Variants in CPEB3 observed in about 807,000 individuals in gnomAD.
CPEB3 encodes cytoplasmic polyadenylation element-binding protein 3.
CPEB3 carries 20 observed loss-of-function variants against 67.2 expected under a neutral mutation model. The ratio of observed to expected loss-of-function variants is 0.30; its 90% confidence interval spans 0.21 to 0.43. CPEB3 has a LOEUF of 0.43. Among genes scored for constraint, CPEB3 ranks in the 20% least tolerant of loss-of-function variants. The probability of loss-of-function intolerance (pLI) is 1.00; values close to 1 mark genes in which losing one functional copy is unlikely to be tolerated. For missense variants in CPEB3, 746 were observed against 968.6 expected (o/e 0.77, Z 3.05); for synonymous variants, 376 against 393.1 (o/e 0.96, Z 0.51).
intron 1 of CPEB3, chr10:92,272,082 ATC>A (rs1853332654): frequency 6.6e-6 from 1 of 152,204 alleles, no homozygotes; most frequent in South Asian, 2.1e-4. Context: ...TGTTCAAAAT[ATC>A]TGACTTGGTC....
intron 2 of CPEB3, among the ~76,000 whole-genome samples, chr10:92,199,895 CAGAGAGAGAGAG>C (rs34608647): frequency 5.4e-5 from 8 of 148,254 alleles, no homozygotes; most frequent in African/African-American, 1.7e-4. Context: ...TCCAAACACA[CAGAGAGAGAGAG>C]AGAGAGAGAG....
intron 2 of CPEB3, among the ~76,000 whole-genome samples, chr10:92,200,273 G>A (rs931148034): frequency 6.6e-6 from 1 of 151,776 alleles, no homozygotes; most frequent in African/African-American, 2.4e-5. Context: ...GGCCGGGCAC[G>A]GTGGCTCACG....
chr10:92,115,053 CG>C (rs1844940169), intron 6 of CPEB3, among the ~76,000 whole-genome samples: 1 of 152,332 alleles, frequency 6.6e-6, no homozygotes, highest in South Asian at 2.1e-4. Flanking sequence ...CCGGCGGCCG[CG>C]GGCGCGGGGG....
At chr10:92,221,925 C>T (rs1850719629) in intron 2 of CPEB3, among the ~76,000 whole-genome samples, 1 of 152,120 alleles carries the variant, frequency 6.6e-6, no homozygotes, top group African/African-American at 2.4e-5. Context: ...GAGAACGAGC[C>T]TTTACCAGAC....
intron 1 of CPEB3, among the ~76,000 whole-genome samples, chr10:92,268,439 C>G (rs143860997): frequency 3.9e-5 from 6 of 152,174 alleles, no homozygotes; most frequent in African/African-American, 7.2e-5. Flanking sequence ...ACCAGCCTGG[C>G]CAATGTAGCA....
intron 1 of CPEB3, among the ~76,000 whole-genome samples, chr10:92,243,472 G>T (rs1027765439): frequency 6.6e-6 from 1 of 152,102 alleles, no homozygotes. Context: ...GAAATAAAAG[G>T]GAAAAAAATA....
intron 9 of CPEB3, among the ~76,000 whole-genome samples, chr10:92,080,987 G>A (rs1843130214): frequency 1.3e-5 from 2 of 152,122 alleles, no homozygotes. Context: ...TTGTTTAAGA[G>A]CACTGTGTAG....
intron 8 of CPEB3, among the ~76,000 whole-genome samples, chr10:92,083,065 G>C (rs1294022153): frequency 1.3e-5 from 2 of 152,296 alleles, no homozygotes; most frequent in South Asian, 2.1e-4. Context: ...TGAAACTGCT[G>C]AGGCAGTAAG....
Position 92,128,488 on chromosome 10 carries a change from T to C in CPEB3, c.1453+14541A>G, listed in dbSNP as rs148225322. Among the ~76,000 whole-genome samples the C allele has an allele frequency of 1.4e-4, 22 of 152,146 alleles. No individual in the cohort carries two copies. In the East Asian group the frequency reaches 2.7e-3, roughly 19 times the overall value. On this transcript the variant is annotated intron_variant, in intron 6 of 9. Coordinates refer to ENST00000265997, the MANE Select transcript of CPEB3 (RefSeq NM_014912.5). The stretch of plus-strand genomic sequence containing the variant: ...CCTTGAAAGGTGGCCTCTTTAAAAA[T>C]ATGAAAATTGGTAACTAATTAAACT...
At chr10:92,060,977 T>C (rs1232912417) in intron 9 of CPEB3, among the ~76,000 whole-genome samples, 2 of 152,114 alleles carry the variant, frequency 1.3e-5, no homozygotes, top group Non-Finnish European at 2.9e-5. Context: ...AAAGTAAAAA[T>C]TGAGCTACCA....
intron 2 of CPEB3, among the ~76,000 whole-genome samples, chr10:92,199,899 G>C (rs541635429): frequency 0.11 from 16,159 of 145,080 alleles, 2,818 homozygotes; most frequent in African/African-American, 0.37. Context: ...AACACACAGA[G>C]AGAGAGAGAG....
intron 6 of CPEB3, among the ~76,000 whole-genome samples, chr10:92,113,824 T>C (rs527520636): frequency 4.3e-4 from 65 of 151,970 alleles, no homozygotes; most frequent in Non-Finnish European, 6.0e-4. Flanking sequence ...CTCACAGCCA[T>C]AAAATATCTA....
chr10:92,068,235 C>T (rs1332805561), intron 9 of CPEB3, among the ~76,000 whole-genome samples: 1 of 151,738 alleles, frequency 6.6e-6, no homozygotes, highest in East Asian at 1.9e-4. Flanking sequence ...CAGTATCTGG[C>T]ACAGTCTGGT....
At chr10:92,275,125 T>C (rs1778749487) in intron 1 of CPEB3, among the ~76,000 whole-genome samples, 1 of 152,214 alleles carries the variant, frequency 6.6e-6, no homozygotes, top group Non-Finnish European at 1.5e-5. Context: ...CCAATGAATT[T>C]CCTTTTTGCT....
chr10:92,176,888 C>T (rs1035271562), intron 4 of CPEB3, among the ~76,000 whole-genome samples: 1 of 152,204 alleles, frequency 6.6e-6, no homozygotes, highest in South Asian at 2.1e-4. Context: ...CCACATGTGG[C>T]CCAAGACGGC....
chr10:92,161,177 A>G (rs972641498), intron 4 of CPEB3, among the ~76,000 whole-genome samples: 1 of 152,124 alleles, frequency 6.6e-6, no homozygotes, highest in African/African-American at 2.4e-5. Context: ...GGGAACTCTG[A>G]TATCAGAGAG....
intron 2 of CPEB3, among the ~76,000 whole-genome samples, chr10:92,203,404 A>ATATATG (rs1187134147): frequency 1.4e-5 from 2 of 147,186 alleles, no homozygotes; most frequent in African/African-American, 2.5e-5. Context: ...ATATACGTAT[A>ATATATG]TATATGTATA....
chr10:92,134,555 G>A (rs1184723287), intron 6 of CPEB3, among the ~76,000 whole-genome samples: 1 of 151,950 alleles, frequency 6.6e-6, no homozygotes, highest in African/African-American at 2.4e-5. Context: ...TCATGGATAG[G>A]AAGAATCAAT....
At chr10:92,120,119 C>CAAGCAAAAAAAAA (rs1275934165) in intron 6 of CPEB3, among the ~76,000 whole-genome samples, 1 of 83,954 alleles carries the variant, frequency 1.2e-5, no homozygotes, top group East Asian at 3.5e-4. Context: ...AAAAAAAAAC[C>CAAGCAAAAAAAAA]AAATTGCTAC....
Sources: allele counts gnomAD v4.1 joint callset (sites outside exome capture counted in the v4.1 genomes callset), GRCh38; gene constraint gnomAD v4.1.1; transcripts MANE v1.5; gene names NCBI Gene and HGNC (gene_info 2026-07-23, HGNC 2026-07-21).